TTC21B: variants seen among roughly 807,000 people sequenced by gnomAD.
The protein encoded by TTC21B is tetratricopeptide repeat domain 21B, also known as tetratricopeptide repeat protein 21B.
Under a neutral mutation model 175.1 loss-of-function variants are expected in TTC21B, and 127 were observed. The ratio of observed to expected loss-of-function variants is 0.73; its 90% CI spans 0.63 to 0.84. TTC21B has a LOEUF of 0.84. Ranked by LOEUF, TTC21B falls within the 40% of genes least tolerant of loss-of-function variation. TTC21B has a pLI of 0.00. For synonymous variants in TTC21B, 524 were observed against 524.5 expected (o/e 1.00, Z 0.01); for missense variants, 1,561 against 1,558.3 (o/e 1.00, Z -0.03).
intron 19 of TTC21B, among the ~76,000 whole-genome samples, chr2:165,902,288 T>C (rs746068114): frequency 3.3e-5 from 5 of 152,238 alleles, no homozygotes; most frequent in African/African-American, 4.8e-5. Context: ...CCCATCCATC[T>C]GGTTTCTGGA....
At chr2:165,918,326 G>C (rs555121612) in intron 13 of TTC21B, among the ~76,000 whole-genome samples, 2 of 151,966 alleles carry the variant, frequency 1.3e-5, no homozygotes, top group African/African-American at 4.8e-5. Context: ...ATGGAGTCTC[G>C]CTCTGTTGCC....
intron 22 of TTC21B, among the ~76,000 whole-genome samples, chr2:165,892,103 T>C (rs1483099983): frequency 6.6e-6 from 1 of 152,166 alleles, no homozygotes; most frequent in Non-Finnish European, 1.5e-5. Flanking sequence ...GCCTACTTAC[T>C]GATGATTCAC....
At chr2:165,913,215 G>C (rs759991306) in intron 16 of TTC21B, among the ~76,000 whole-genome samples, 2 of 151,918 alleles carry the variant, frequency 1.3e-5, no homozygotes, top group Non-Finnish European at 2.9e-5. Flanking sequence ...TTGTAGAGAC[G>C]GGGTTTCACC....
intron 19 of TTC21B, among the ~76,000 whole-genome samples, chr2:165,902,655 T>G (rs1183746182): frequency 6.6e-6 from 1 of 152,242 alleles, no homozygotes; most frequent in Non-Finnish European, 1.5e-5. Flanking sequence ...TATTAATATG[T>G]GTTTCAGTAT....
chr2:165,882,317 A>G (rs1410866631), intron 26 of TTC21B, among the ~76,000 whole-genome samples: 1 of 152,206 alleles, frequency 6.6e-6, no homozygotes, highest in Non-Finnish European at 1.5e-5. Context: ...ATTTATTTGC[A>G]AGCTTTAGAA....
At chr2:165,888,527 A>C in intron 24 of TTC21B, 53 bp from the exon 25 acceptor site, 1 of 1,406,518 alleles carries the variant, frequency 7.1e-7, no homozygotes, top group Non-Finnish European at 9.9e-7. Flanking sequence ...GATACAATTC[A>C]TTGAGATTAG....
Position 165,898,828 on chromosome 2 carries a change from C to T in TTC21B, c.2869-61G>A, listed in dbSNP as rs113871792. On this transcript the variant is annotated intron_variant, in intron 21 of 28. Transcript: ENST00000243344. ...ATGTATTTTACACAACATGTTCTTC[C>T]AATCAAGATTTAGCACTAGAAAAAT... The T allele has an allele frequency of 1.1e-4, 116 of 1,047,400 alleles. No homozygotes were observed. The African/African-American group carries it at 1.6e-3, about 15-fold the overall frequency. The allele number at this position is 1,047,400 out of a possible 1,614,324, so 64.9% of individuals were successfully genotyped here.
chr2:165,903,389 T>C (rs1048717907), intron 19 of TTC21B, among the ~76,000 whole-genome samples: 4 of 152,292 alleles, frequency 2.6e-5, no homozygotes, highest in South Asian at 2.1e-4. Context: ...TGGAAAGATA[T>C]AGAGAATATA....
chr2:165,941,973 A>C (rs1687384719), intron 5 of TTC21B, among the ~76,000 whole-genome samples: 1 of 152,206 alleles, frequency 6.6e-6, no homozygotes. Context: ...TGTATCTCAT[A>C]GTCAGAAAAA....
chr2:165,892,742 A>G (rs767616185), intron 22 of TTC21B, among the ~76,000 whole-genome samples: 1 of 152,202 alleles, frequency 6.6e-6, no homozygotes, highest in Non-Finnish European at 1.5e-5. Context: ...GAACTGGTGT[A>G]CAGACTTCAG....
chr2:165,902,096 A>C (rs1685588824), intron 19 of TTC21B, among the ~76,000 whole-genome samples, 186 bp from the exon 20 acceptor site: 1 of 152,218 alleles, frequency 6.6e-6, no homozygotes, highest in South Asian at 2.1e-4. Flanking sequence ...GAGCCAGCAC[A>C]CATATATCTT....
In TTC21B at chr2:165,941,184, C is replaced by T; in HGVS notation, c.553G>A (p.Ala185Thr). 1 of 1,613,790 alleles carries T rather than the reference C, an allele frequency of 6.2e-7. No individual in the cohort carries two copies. Among genetic ancestry groups the T allele is most frequent in the Non-Finnish European group, 8.5e-7 (1 of 1,179,794 alleles). The change falls in exon 6 of 29, where the codon GCA (alanine) becomes ACA (threonine). Residue 185 changes from alanine (A) to threonine (T), a missense_variant and splice_region_variant. Ala to Thr is a moderately conservative substitution (Grantham distance 58). Coordinates refer to ENST00000243344, the MANE Select transcript of TTC21B (RefSeq NM_024753.5). Reference protein sequence around the residue: ...GNDTFALLGKAQCLEMRQNYS... With the variant: ...GNDTFALLGKTQCLEMRQNYS... ...TTCTGGCGCATCTCAAGGCATTGTG[C>T]CTAATGGAAGGGAAAAAAAGTGATA...
In TTC21B at chr2:165,913,567, A is replaced by G; in HGVS notation, c.2211+7T>C. 2 of 1,604,192 alleles carry G rather than the reference A, an allele frequency of 1.2e-6. No individual in the cohort carries two copies. Among genetic ancestry groups the G allele is most frequent in the Middle Eastern group, 1.7e-4 (1 of 6,040 alleles). ...AAAATGCAGTTCAGTAACATCAGAA[A>G]TTTTACCTCTAGAATATTCATGTAT... On this transcript the variant is annotated splice_region_variant and intron_variant, in intron 16 of 28. Transcript: ENST00000243344.
chr2:165,893,112 G>A (rs1360832679), intron 22 of TTC21B, among the ~76,000 whole-genome samples: 1 of 152,122 alleles, frequency 6.6e-6, no homozygotes, highest in African/African-American at 2.4e-5. Flanking sequence ...CTTTAGCTAT[G>A]TGAATTCAAT....
chr2:165,911,403 C>G lies in TTC21B; in HGVS notation c.2385G>C (p.Leu795=), dbSNP rs80225158. 0.014 allele frequency: 21,860 copies of G among 1,613,778 alleles called. 703 individuals are homozygous for G. The highest frequency in any genetic ancestry group is 0.12 in the Admixed American group (7,352 of 59,998). ...TGQKNYLCYD[L]AELLLKLKWY... ...ATTTCAATTTTAATAAGAGCTCAGC[C>G]AGGTCATAGCAAAGATAATTCTTTT... The change falls in exon 18 of 29, where the codon CTG becomes CTC. Residue 795 remains leucine, a synonymous_variant. Coordinates refer to ENST00000243344, the MANE Select transcript of TTC21B (RefSeq NM_024753.5).
At chr2:165,930,473 G>T in intron 8 of TTC21B, 109 bp from the exon 9 acceptor site, 1 of 701,976 alleles carries the variant, frequency 1.4e-6, no homozygotes, top group Non-Finnish European at 2.1e-6. Context: ...AAGGAGTGAT[G>T]AAAAAGAAAA....
chr2:165,912,401 A>G (rs914891688), intron 17 of TTC21B, 113 bp downstream of exon 17: 7 of 826,886 alleles, frequency 8.5e-6, no homozygotes, highest in African/African-American at 6.7e-5. Context: ...TCATAAATAC[A>G]GATTTGGAGT....
rs373814837 is a variant in TTC21B, at chr2:165,919,279, A to G, written c.1671T>C (p.Phe557=). The G allele has an allele frequency of 6.2e-7, 1 of 1,614,048 alleles. No homozygotes were observed. Among genetic ancestry groups the G allele is most frequent in the Non-Finnish European group, 8.5e-7 (1 of 1,179,934 alleles). The change falls in exon 13 of 29, where the codon TTT becomes TTC. Residue 557 remains phenylalanine (F), a synonymous_variant. Coordinates refer to ENST00000243344, the MANE Select transcript of TTC21B (RefSeq NM_024753.5). ...CACTTCAGTCTGGAATACTTACCTT[A>G]AAATCATAGCTCAGACAAAGTTCAA... is the stretch of plus-strand genomic sequence containing the variant. The part of the protein sequence containing the change: ...QSLELCLSYD[F]KVRDYPLYHL...
At chr2:165,887,314 T>C (rs1685027605) in intron 25 of TTC21B, among the ~76,000 whole-genome samples, 1 of 152,312 alleles carries the variant, frequency 6.6e-6, no homozygotes, top group African/African-American at 2.4e-5. Context: ...TCAATGAGTA[T>C]GCTTAGAAGT....
Sources: allele counts gnomAD v4.1 joint callset (sites outside exome capture counted in the v4.1 genomes callset), GRCh38; gene constraint gnomAD v4.1.1; transcripts MANE v1.5; gene names NCBI Gene and HGNC (gene_info 2026-07-23, HGNC 2026-07-21).